Variants in RPS6KC1 observed in about 807,000 individuals in gnomAD.
RPS6KC1 encodes inactive ribosomal protein S6 kinase delta-1.
Under a neutral mutation model 103.8 loss-of-function variants are expected in RPS6KC1, and 54 were observed. The ratio of observed to expected loss-of-function variants is 0.52; its 90% confidence interval spans 0.42 to 0.65. The LOEUF (loss-of-function observed/expected upper bound fraction) is 0.65. Ranked by LOEUF, RPS6KC1 falls within the 30% of genes least tolerant of loss-of-function variation. The pLI, the probability that RPS6KC1 is intolerant of heterozygous loss-of-function variation, is 0.00. For missense variants in RPS6KC1, 1,151 were observed against 1,253.8 expected (o/e 0.92, Z 1.24); for synonymous variants, 439 against 438.7 (o/e 1.00, Z -0.01).
chr1:213,702,647 C>A, the RPS6KC1 span, among the ~76,000 whole-genome samples: 1 of 151,856 alleles, frequency 6.6e-6, no homozygotes, highest in East Asian at 1.9e-4. Flanking sequence ...CTGAATTGAT[C>A]CCTTTATCAT....
the RPS6KC1 span, among the ~76,000 whole-genome samples, chr1:213,485,537 C>T: frequency 6.6e-6 from 1 of 152,160 alleles, no homozygotes; most frequent in Non-Finnish European, 1.5e-5. Flanking sequence ...TTCATCATTT[C>T]CTCTACAGTC....
At chr1:213,135,557 T>G (rs777012837) in intron 6 of RPS6KC1, among the ~76,000 whole-genome samples, 2 of 152,226 alleles carry the variant, frequency 1.3e-5, no homozygotes, top group African/African-American at 2.4e-5. Context: ...AAATAAAATG[T>G]GTACTTTTCA....
chr1:213,208,342 A>G (rs2093413376), intron 8 of RPS6KC1, among the ~76,000 whole-genome samples: 1 of 152,070 alleles, frequency 6.6e-6, no homozygotes, highest in Non-Finnish European at 1.5e-5. Flanking sequence ...AGTCTTCTGT[A>G]TTACTTTTCA....
At chr1:213,291,399 T>C in the RPS6KC1 span, among the ~76,000 whole-genome samples, 1 of 152,236 alleles carries the variant, frequency 6.6e-6, no homozygotes, top group South Asian at 2.1e-4. Flanking sequence ...TTACAGCAAC[T>C]TCGCTAACTT....
At chr1:213,098,600 G>A (rs1380444185) in intron 3 of RPS6KC1, among the ~76,000 whole-genome samples, 1 of 152,108 alleles carries the variant, frequency 6.6e-6, no homozygotes, top group Non-Finnish European at 1.5e-5. Context: ...CAGCTGGTTG[G>A]TGGAGCAGTC....
At chr1:213,604,753 C>T in the RPS6KC1 span, among the ~76,000 whole-genome samples, 1 of 152,172 alleles carries the variant, frequency 6.6e-6, no homozygotes, top group African/African-American at 2.4e-5. Flanking sequence ...CTCACCAAAT[C>T]CTTAGATCTT....
chr1:213,632,441 G>A, the RPS6KC1 span, among the ~76,000 whole-genome samples: 2 of 152,198 alleles, frequency 1.3e-5, no homozygotes, highest in East Asian at 3.8e-4. Flanking sequence ...CAACAGACCT[G>A]CAGCTGAGGC....
At chr1:213,781,960 G>A in the RPS6KC1 span, among the ~76,000 whole-genome samples, 4 of 152,122 alleles carry the variant, frequency 2.6e-5, no homozygotes, top group African/African-American at 4.8e-5. Context: ...TATTTACACA[G>A]GTTAGAACAG....
At chr1:213,297,318 G>A in the RPS6KC1 span, among the ~76,000 whole-genome samples, 4 of 152,198 alleles carry the variant, frequency 2.6e-5, no homozygotes, top group Non-Finnish European at 5.9e-5. Context: ...TAGCATGTGA[G>A]CATTTGCTTA....
At chr1:213,327,047 T>C in the RPS6KC1 span, among the ~76,000 whole-genome samples, 3 of 151,808 alleles carry the variant, frequency 2.0e-5, no homozygotes, top group East Asian at 5.8e-4. Flanking sequence ...TTTCTTTTTT[T>C]TTTTTTTTAA....
the RPS6KC1 span, among the ~76,000 whole-genome samples, chr1:213,802,064 C>T: frequency 3.3e-5 from 5 of 152,270 alleles, no homozygotes; most frequent in Non-Finnish European, 7.3e-5. Context: ...AATTTGAATA[C>T]AGAGTAAGTA....
At chr1:213,524,770 A>C in the RPS6KC1 span, among the ~76,000 whole-genome samples, 3 of 152,144 alleles carry the variant, frequency 2.0e-5, no homozygotes, top group Non-Finnish European at 4.4e-5. Flanking sequence ...TACCACTTGC[A>C]CCTGGTGGCT....
the RPS6KC1 span, among the ~76,000 whole-genome samples, chr1:213,745,347 G>C: frequency 8.0e-5 from 12 of 149,506 alleles, no homozygotes; most frequent in Non-Finnish European, 5.9e-5. Flanking sequence ...GCTTGAAATG[G>C]TTTCCTCTGG....
chr1:213,840,549 T>TGGAAA, the RPS6KC1 span: 1 of 152,178 alleles, frequency 6.6e-6, no homozygotes, highest in South Asian at 2.1e-4. Context: ...AGAGGAAACT[T>TGGAAA]GGAAAGGGTT....
the RPS6KC1 span, among the ~76,000 whole-genome samples, chr1:213,757,872 G>A: frequency 1.3e-5 from 2 of 152,122 alleles, no homozygotes; most frequent in African/African-American, 2.4e-5. Context: ...GAAAATCATA[G>A]GGCCCTTAAG....
chr1:213,356,909 G>A, the RPS6KC1 span, among the ~76,000 whole-genome samples: 1 of 152,156 alleles, frequency 6.6e-6, no homozygotes, highest in East Asian at 1.9e-4. Flanking sequence ...CTGTGACCCA[G>A]CATTCTTGAT....
chr1:213,061,782 G>A (rs553919114), intron 1 of RPS6KC1, among the ~76,000 whole-genome samples: 1 of 152,214 alleles, frequency 6.6e-6, no homozygotes, highest in South Asian at 2.1e-4. Context: ...TATTATTCCT[G>A]TCCCACATTC....
At chr1:213,611,469 C>T in the RPS6KC1 span, among the ~76,000 whole-genome samples, 230 of 152,296 alleles carry the variant, frequency 1.5e-3, 2 homozygotes, top group African/African-American at 5.4e-3. Context: ...GACTTGCCAA[C>T]TCACTCTGCA....
At chr1:213,657,953 C>T in the RPS6KC1 span, among the ~76,000 whole-genome samples, 10,652 of 152,252 alleles carry the variant, frequency 0.07, 450 homozygotes, top group East Asian at 0.16. Flanking sequence ...CATACTGTAT[C>T]ATGAATGGTT....
Sources: gnomAD v4.1 joint callset for allele counts (sites outside exome capture counted in the v4.1 genomes callset) on GRCh38, gnomAD v4.1.1 for gene constraint, MANE v1.5 for transcripts, NCBI Gene and HGNC (gene_info 2026-07-23, HGNC 2026-07-21) for gene names.